The following HCN2 variants were observed in gnomAD, a reference collection of about 807,000 sequenced individuals.
HCN2 encodes the protein potassium/sodium hyperpolarization-activated cyclic nucleotide-gated channel 2.
HCN2 carries 20 observed loss-of-function variants against 52.3 expected under a neutral mutation model. The observed-to-expected ratio is 0.38, with a 90% confidence interval of 0.27 to 0.56. HCN2 has a LOEUF of 0.56. HCN2 is among the 20% of genes least tolerant of loss of function. HCN2 has a pLI of 0.71. For missense variants in HCN2, 981 were observed against 1,207.7 expected (o/e 0.81, Z 2.78); for synonymous variants, 694 against 537.0 (o/e 1.29, Z -4.04).
chr19:590,050 G>A lies in HCN2; in HGVS notation c.105G>A (p.Pro35=). Residue 35 remains proline, a synonymous_variant, in exon 1 of 8, where the codon CCG becomes CCA. Transcript: ENST00000251287. This position sits in a 1 kb window ranked among gnomAD's most constrained non-coding sequence, Gnocchi z 7.2. ...PPPPAPPQQQ[P]PPPPPPAPPP... ...CGCCCGCGCCCCCCCAACAGCAGCC[G>A]CCGCCGCCGCCGCCGCCCGCGCCCC... 1.6e-6 allele frequency: 1 copy of A among 627,046 alleles called. No homozygotes were observed. The highest frequency in any genetic ancestry group is 1.9e-6 in the Non-Finnish European group (1 of 515,502). 38.8% of individuals were successfully genotyped at this position (627,046 alleles called of 1,614,324 possible).
chr19:605,112 C>T lies in HCN2; in HGVS notation c.1108C>T (p.Leu370Phe), dbSNP rs1001461643. Residue 370 changes from leucine (L) to phenylalanine (F), a missense_variant, in exon 3 of 8, where the codon CTC (leucine) becomes TTC (phenylalanine). By Grantham distance (22) the Leu-to-Phe change is conservative (BLOSUM62 0). Coordinates refer to ENST00000251287, the MANE Select transcript of HCN2 (RefSeq NM_001194.4). The stretch of plus-strand genomic sequence containing the variant: ...CAGCGCGGTGATGAGGATCTGCAAT[C>T]TCATCAGCATGATGCTGCTGCTCTG... Reference protein sequence around the residue: ...LASAVMRICNLISMMLLLCHW... With the variant: ...LASAVMRICNFISMMLLLCHW... The T allele has an allele frequency of 6.2e-7, 1 of 1,611,916 alleles. No homozygotes were observed. Among genetic ancestry groups the T allele is most frequent in the Non-Finnish European group, 8.5e-7 (1 of 1,179,566 alleles).
At chr19:610,429 G>A (rs569147800) in intron 5 of HCN2, 24 bp downstream of exon 5, 3 of 1,606,564 alleles carry the variant, frequency 1.9e-6, no homozygotes, top group African/African-American at 2.7e-5. Flanking sequence ...CGGGCGGGCG[G>A]GAGGCAGCCT....
At chr19:612,683 G>A (rs571490572) in intron 5 of HCN2, among the ~76,000 whole-genome samples, 1 of 152,058 alleles carries the variant, frequency 6.6e-6, no homozygotes, top group African/African-American at 2.4e-5. Context: ...CCAGAGTGCT[G>A]GGATTACAGG....
chr19:610,026 C>T (rs572882983), intron 4 of HCN2, among the ~76,000 whole-genome samples: 143 of 152,296 alleles, frequency 9.4e-4, no homozygotes, highest in African/African-American at 3.0e-3. Context: ...CCGCTGTGGG[C>T]GGGGGCTTTG....
chr19:608,732 G>A (rs559556792), intron 4 of HCN2, among the ~76,000 whole-genome samples: 2 of 152,256 alleles, frequency 1.3e-5, no homozygotes, highest in African/African-American at 4.8e-5. Flanking sequence ...TCTCTAGGCC[G>A]GCTCAGGATG....
At position 616,401 on chromosome 19, in the gene HCN2, C is replaced by T. The variant is rs1236427766; in HGVS notation, c.2597C>T (p.Ser866Leu). ...AAAPSPDRRD[S>L]ASPGAAGGLD... ...GCGCCCAGCCCGGACCGCAGGGACT[C>T]GGCCTCACCCGGCGCCGCCGGCGGC... The change falls in exon 8 of 8, where the codon TCG (serine) becomes TTG (leucine). Residue 866 changes from serine (S) to leucine (L), a missense_variant. Around this residue, in one of 6 missense-constraint regions of HCN2, gnomAD observed 368 missense variants for 314.8 expected, o/e 1.17. Coordinates refer to ENST00000251287, the MANE Select transcript of HCN2 (RefSeq NM_001194.4). The T allele has an allele frequency of 4.1e-6, 5 of 1,233,576 alleles. No individual in the cohort carries two copies. Among genetic ancestry groups the T allele is most frequent in the East Asian group, 8.2e-5 (2 of 24,410 alleles). 76.4% of individuals were successfully genotyped at this position (1,233,576 alleles called of 1,614,324 possible). A position where few individuals can be genotyped will look rare whatever the true frequency, so the allele number is the denominator to read the frequency against.
At chr19:602,881 G>A (rs118162946) in intron 1 of HCN2, among the ~76,000 whole-genome samples, 7,068 of 149,686 alleles carry the variant, frequency 0.047, 272 homozygotes, top group South Asian at 0.16. Context: ...CCTCGGGGCT[G>A]GGTGGCCTTC....
rs749078837 is a variant in HCN2, at chr19:615,814, C to T, written c.2010C>T (p.Leu670=). 1.9e-6 allele frequency: 3 copies of T among 1,612,132 alleles called. No homozygotes were observed. The highest frequency in any genetic ancestry group is 1.1e-5 in the South Asian group (1 of 90,940). The part of the protein sequence containing the change: ...LDRIGKKNSI[L]LHKVQHDLNS... ...CCGCAGGCAAGAAGAATTCCATCCT[C>T]CTGCACAAGGTGCAGCATGACCTCA... is the stretch of plus-strand genomic sequence containing the variant. The change falls in exon 8 of 8, where the codon CTC becomes CTT. Residue 670 remains leucine (L), a synonymous_variant. Coordinates refer to ENST00000251287, the MANE Select transcript of HCN2 (RefSeq NM_001194.4).
At chr19:614,117 G>A (rs917485603) in intron 7 of HCN2, 101 bp downstream of exon 7, 6 of 889,234 alleles carry the variant, frequency 6.7e-6, no homozygotes, top group Non-Finnish European at 9.6e-6. Flanking sequence ...GGGGAAGGGC[G>A]TGGCTGTGGC....
intron 4 of HCN2, 141 bp from the exon 5 acceptor site, chr19:610,118 C>A: frequency 1.0e-6 from 1 of 984,208 alleles, no homozygotes; most frequent in East Asian, 2.5e-5. Flanking sequence ...CTGTCTGACC[C>A]ACAAGCAGGT....
At chr19:604,357 T>G (rs1324725641) in intron 2 of HCN2, among the ~76,000 whole-genome samples, 1 of 98,288 alleles carries the variant, frequency 1.0e-5, no homozygotes, top group Non-Finnish European at 2.1e-5. Flanking sequence ...GGTGCAGGGG[T>G]GGAGCTACAA....
rs759281336 is a variant in HCN2, at chr19:603,556, C to T, written c.645C>T (p.Asp215=). 3 of 1,604,786 alleles carry T rather than the reference C, an allele frequency of 1.9e-6. No homozygotes were observed. Among genetic ancestry groups the T allele is most frequent in the African/African-American group, 1.3e-5 (1 of 74,848 alleles). Reference sequence around the variant, plus strand: ...CCCTCGCCCCCAGGTTCTACTGGGACTTCACCATGCTGCTGTTCATGGTGG... The same window carrying T: ...CCCTCGCCCCCAGGTTCTACTGGGATTTCACCATGCTGCTGTTCATGGTGG... The part of the protein sequence containing the change: ...HPYSDFRFYW[D]FTMLLFMVGN... Residue 215 remains aspartate (D), a synonymous_variant, in exon 2 of 8, where the codon GAC becomes GAT. Coordinates refer to ENST00000251287, the MANE Select transcript of HCN2 (RefSeq NM_001194.4).
chr19:596,068 C>T (rs1983020937), intron 1 of HCN2, among the ~76,000 whole-genome samples: 1 of 152,356 alleles, frequency 6.6e-6, no homozygotes, highest in East Asian at 1.9e-4. Flanking sequence ...GCCAGGAGAC[C>T]TGGTGTCCTC....
At chr19:605,030 G>A (rs775968296) in intron 2 of HCN2, 31 bp from the exon 3 acceptor site, 1 of 1,600,632 alleles carries the variant, frequency 6.2e-7, no homozygotes, top group Middle Eastern at 2.2e-4. Context: ...GGGGTCAGCG[G>A]GTAGGGTGGG....
At position 613,858 on chromosome 19, in the gene HCN2, G is replaced by C; in HGVS notation, c.1832G>C (p.Cys611Ser). The C allele has an allele frequency of 6.3e-7, 1 of 1,583,586 alleles. No homozygotes were observed. The highest frequency in any genetic ancestry group is 8.6e-7 in the Non-Finnish European group (1 of 1,166,456). ...LSDGSYFGEI[C>S]LLTRGRRTAS... is the part of the protein sequence containing the mutation. ...CCCTGCGCGCCACGTGCAGAGATCT[G>C]CCTGCTCACCCGGGGCCGCCGCACG... Residue 611 changes from cysteine to serine, a missense_variant, in exon 7 of 8, where the codon TGC becomes TCC. Physicochemically the swap from Cys to Ser is moderately radical, Grantham distance 112. Around this residue, in one of 6 missense-constraint regions of HCN2, gnomAD observed 85 missense variants for 106.1 expected, o/e 0.80. Transcript: ENST00000251287.
Position 615,969 on chromosome 19 carries a change from A to G in HCN2, c.2165A>G (p.Gln722Arg), listed in dbSNP as rs572742854. Residue 722 changes from glutamine (Q) to arginine (R), a missense_variant, in exon 8 of 8, where the codon CAG becomes CGG. This residue lies in a region of HCN2 where 368 missense variants were observed against 314.8 expected (regional missense o/e 1.17). Transcript: ENST00000251287. Reference sequence around the variant, plus strand: ...TTCCCGCCGCCGCCGCCGCCGCCGCAGGTCACCTCGGCCATCGCCACGCTG... The same window carrying G: ...TTCCCGCCGCCGCCGCCGCCGCCGCGGGTCACCTCGGCCATCGCCACGCTG... ...GLFPPPPPPP[Q>R]VTSAIATLQQ... is the part of the protein sequence containing the mutation. The G allele has an allele frequency of 3.8e-6, 6 of 1,599,786 alleles. No individual in the cohort carries two copies. Among genetic ancestry groups the G allele is most frequent in the Non-Finnish European group, 3.4e-6 (4 of 1,175,836 alleles).
intron 7 of HCN2, among the ~76,000 whole-genome samples, chr19:615,400 G>A (rs575301853): frequency 6.6e-6 from 1 of 152,160 alleles, no homozygotes; most frequent in South Asian, 2.1e-4. Flanking sequence ...TGTAGTCCCA[G>A]CTACTCGGGA....
At chr19:599,445 C>T (rs529440530) in intron 1 of HCN2, among the ~76,000 whole-genome samples, 184 of 152,182 alleles carry the variant, frequency 1.2e-3, no homozygotes, top group African/African-American at 4.0e-3. Context: ...GTGGGGACCC[C>T]GGCCATGATA....
chr19:613,809 C>G (rs779008117), intron 6 of HCN2, 43 bp from the exon 7 acceptor site: 2 of 1,457,918 alleles, frequency 1.4e-6, no homozygotes, highest in African/African-American at 1.6e-5. Flanking sequence ...AGGGCCGCGG[C>G]GCCCGCCTCG....
Sources: allele counts gnomAD v4.1 joint callset (sites outside exome capture counted in the v4.1 genomes callset), GRCh38; gene constraint gnomAD v4.1.1; regional missense constraint gnomAD v4.1.1; non-coding constraint Gnocchi (gnomAD v3.1); transcripts MANE v1.5; gene names NCBI Gene and HGNC (gene_info 2026-07-23, HGNC 2026-07-21).